Variants in PTPRB observed in about 807,000 individuals in gnomAD.
PTPRB encodes the protein receptor-type tyrosine-protein phosphatase beta.
Under a neutral mutation model 238.1 loss-of-function variants are expected in PTPRB, and 97 were observed. The ratio of observed to expected loss-of-function variants is 0.41; its 90% CI spans 0.35 to 0.48. PTPRB has a LOEUF of 0.48. Ranked by LOEUF, PTPRB falls within the 20% of genes least tolerant of loss-of-function variation. The pLI is 0.30. For missense variants in PTPRB, 2,292 were observed against 2,681.9 expected, an observed-to-expected ratio of 0.85 and a Z score of 3.21; for synonymous variants, 970 against 995.4, an observed-to-expected ratio of 0.97 and a Z score of 0.48.
chr12:70,576,668 GCGGGGGGGGGGGGGAA>G lies in PTPRB; in HGVS notation c.2579-39_2579-24del, dbSNP rs1455375850. ...GGACTGTGATTTTGAAAGGTGGGGG[GCGGGGGGGGGGGGGAA>G]GGGGGATTCAAAAAGAAAGACACAG... On this transcript the variant is annotated intron_variant, in intron 10 of 33. Coordinates refer to ENST00000334414, the MANE Select transcript of PTPRB (RefSeq NM_001109754.4). 6 of 284,918 alleles carry G rather than the reference GCGGGGGGGGGGGGGAA, an allele frequency of 2.1e-5. 1 individual carries two copies. The highest frequency in any genetic ancestry group is 1.1e-4 in the African/African-American group (3 of 28,170). The allele number at this position is 284,918 out of a possible 1,614,324, so 17.6% of individuals were successfully genotyped here.
chr12:70,627,504 A>C (rs2136596411), intron 2 of PTPRB, among the ~76,000 whole-genome samples: 1 of 152,314 alleles, frequency 6.6e-6, no homozygotes, highest in East Asian at 1.9e-4. Flanking sequence ...ATTTTAGGCT[A>C]CATGAAAATC....
intron 4 of PTPRB, among the ~76,000 whole-genome samples, chr12:70,599,897 G>T (rs1362832004): frequency 6.6e-6 from 1 of 151,726 alleles, no homozygotes; most frequent in Non-Finnish European, 1.5e-5. Flanking sequence ...TTGGGTCCAG[G>T]TATTGGAGGC....
chr12:70,583,277 G>A (rs1234995724), intron 9 of PTPRB, among the ~76,000 whole-genome samples: 1 of 152,110 alleles, frequency 6.6e-6, no homozygotes, highest in Non-Finnish European at 1.5e-5. Context: ...TGATAGGCTA[G>A]ATACCATGAA....
At chr12:70,555,726 T>C in intron 19 of PTPRB, 144 bp downstream of exon 19, 1 of 1,062,878 alleles carries the variant, frequency 9.4e-7, no homozygotes, top group Non-Finnish European at 1.3e-6. Flanking sequence ...TTTTAGGTCC[T>C]CCTCTCCAGG....
intron 3 of PTPRB, among the ~76,000 whole-genome samples, chr12:70,619,130 G>C (rs1478377996): frequency 1.3e-5 from 2 of 151,024 alleles, no homozygotes; most frequent in Non-Finnish European, 2.9e-5. Flanking sequence ...CACTATGTAA[G>C]AGAATATGTG....
intron 2 of PTPRB, among the ~76,000 whole-genome samples, chr12:70,631,801 T>C (rs1383467492): frequency 2.6e-5 from 4 of 152,182 alleles, no homozygotes; most frequent in Non-Finnish European, 5.9e-5. Context: ...AAAGAAGACA[T>C]TTATGCAGCC....
intron 3 of PTPRB, among the ~76,000 whole-genome samples, chr12:70,614,624 A>C (rs188721976): frequency 6.6e-6 from 1 of 152,290 alleles, no homozygotes; most frequent in Admixed American, 6.5e-5. Flanking sequence ...AGCAAACTTA[A>C]CACATGTTAG....
intron 5 of PTPRB, among the ~76,000 whole-genome samples, chr12:70,595,823 G>T (rs1016387353): frequency 2.6e-5 from 4 of 152,172 alleles, no homozygotes; most frequent in African/African-American, 9.6e-5. Context: ...TTCCACAGAA[G>T]TCCCATGACT....
intron 26 of PTPRB, chr12:70,539,296 C>T (rs74375639): frequency 2.5e-4 from 131 of 528,800 alleles, no homozygotes; most frequent in African/African-American, 2.3e-3. Context: ...GTGCTTTTTG[C>T]GAAACCACGG....
intron 3 of PTPRB, among the ~76,000 whole-genome samples, chr12:70,619,381 C>T (rs1343922483): frequency 6.6e-6 from 1 of 151,984 alleles, no homozygotes; most frequent in African/African-American, 2.4e-5. Context: ...ATTCCTCCCA[C>T]TCAATATGCA....
At chr12:70,603,402 A>G (rs202227340) in intron 4 of PTPRB, among the ~76,000 whole-genome samples, 2 of 152,234 alleles carry the variant, frequency 1.3e-5, no homozygotes, top group South Asian at 2.1e-4. Context: ...AAAAGATTTT[A>G]TAAGATATTT....
At chr12:70,609,755 A>T in intron 3 of PTPRB, 1 of 1,576,492 alleles carries the variant, frequency 6.3e-7, no homozygotes, top group Non-Finnish European at 8.6e-7. Context: ...TTCTCGGGCC[A>T]CTCACCTGCA....
At chr12:70,611,499 C>T (rs893254934) in intron 3 of PTPRB, among the ~76,000 whole-genome samples, 1 of 151,806 alleles carries the variant, frequency 6.6e-6, no homozygotes, top group Non-Finnish European at 1.5e-5. Context: ...AGGGTTTCAC[C>T]ACGTTGACCA....
At position 70,571,243 on chromosome 12, in the gene PTPRB, C is replaced by A. The variant is rs756603592; in HGVS notation, c.3153G>T (p.Glu1051Asp). 4 of 1,610,656 alleles carry A rather than the reference C, an allele frequency of 2.5e-6. No homozygotes were observed. The highest frequency in any genetic ancestry group is 3.4e-6 in the Non-Finnish European group (4 of 1,176,890). Residue 1051 changes from glutamate (E) to aspartate (D), a missense_variant, in exon 13 of 34, where the codon GAG becomes GAT. This residue lies in a region of PTPRB where 1,205 missense variants were observed against 1,287.8 expected (regional missense o/e 0.94). Coordinates refer to ENST00000334414, the MANE Select transcript of PTPRB (RefSeq NM_001109754.4). The part of the protein sequence containing the change: ...KDLTLRNRST[E>D]DLHVTWSGAN... Reference sequence around the variant, plus strand: ...CTCCTGACCAAGTCACATGCAAGTCCTCAGTGCTCCTGTTGCGCAATGTTA... The same window carrying A: ...CTCCTGACCAAGTCACATGCAAGTCATCAGTGCTCCTGTTGCGCAATGTTA...
At chr12:70,622,847 T>TATCA (rs529771669) in intron 2 of PTPRB, among the ~76,000 whole-genome samples, 95 of 152,058 alleles carry the variant, frequency 6.2e-4, no homozygotes, top group African/African-American at 2.2e-3. Context: ...TTTATCTATC[T>TATCA]ATCAATTTTA....
chr12:70,586,993 A>G lies in PTPRB; in HGVS notation c.2311+14T>C, dbSNP rs754939635. The G allele has an allele frequency of 2.4e-5, 39 of 1,599,628 alleles. No homozygotes were observed. The highest frequency in any genetic ancestry group is 4.5e-5 in the East Asian group (2 of 44,806). On this transcript the variant is annotated intron_variant, in intron 9 of 33. Coordinates refer to ENST00000334414, the MANE Select transcript of PTPRB (RefSeq NM_001109754.4). ...CAGAACACTTTAAAATGTAAAATTT[A>G]TAAAGGTTACTACCTGTTCTTCCTT... is the stretch of plus-strand genomic sequence containing the variant.
rs1592411255 is a variant in PTPRB, at chr12:70,536,296, C to T, written c.5947-137G>A. ...CAGAAAAAGATACTAACACAAGTGTCAATGCTTGGGAGCAGGAAGGACAAA... is the reference window on the plus strand; with the variant it reads ...CAGAAAAAGATACTAACACAAGTGTTAATGCTTGGGAGCAGGAAGGACAAA... On this transcript the variant is annotated intron_variant, in intron 28 of 33. Transcript: ENST00000334414. 12 of 1,015,434 alleles carry T rather than the reference C, an allele frequency of 1.2e-5. No individual in the cohort carries two copies. The East Asian group carries it at 3.2e-4, about 27-fold the overall frequency. 62.9% of individuals were successfully genotyped at this position (1,015,434 alleles called of 1,614,324 possible).
chr12:70,631,699 C>A (rs1368888193), intron 2 of PTPRB, among the ~76,000 whole-genome samples: 2 of 152,124 alleles, frequency 1.3e-5, no homozygotes, highest in Admixed American at 6.5e-5. Flanking sequence ...GGGCTAATAT[C>A]CAGAATCTAC....
intron 17 of PTPRB, among the ~76,000 whole-genome samples, 196 bp from the exon 18 acceptor site, chr12:70,559,820 CTTT>C (rs373129340): frequency 1.6e-5 from 2 of 123,340 alleles, no homozygotes; most frequent in African/African-American, 3.0e-5. Flanking sequence ...ATTTTATGTA[CTTT>C]TTTTTTTTTT....
Sources: allele counts gnomAD v4.1 joint callset (sites outside exome capture counted in the v4.1 genomes callset), GRCh38; gene constraint gnomAD v4.1.1; regional missense constraint gnomAD v4.1.1; transcripts MANE v1.5; gene names NCBI Gene and HGNC (gene_info 2026-07-23, HGNC 2026-07-21).